The following BBS9 variants were observed in gnomAD, a reference collection of about 807,000 sequenced individuals.
BBS9 encodes the protein protein PTHB1.
A neutral mutation model predicts 117.7 loss-of-function variants in BBS9; 89 were observed. The ratio of observed to expected loss-of-function variants is 0.76; its 90% CI spans 0.64 to 0.90. BBS9 has a LOEUF of 0.90. BBS9 is among the 40% of genes least tolerant of loss of function. The pLI is 0.00. For synonymous variants in BBS9, 379 were observed against 370.9 expected (o/e 1.02, Z -0.25); for missense variants, 982 against 1,042.2 (o/e 0.94, Z 0.80).
chr7:33,329,474 A>T (rs1165114597), intron 9 of BBS9, among the ~76,000 whole-genome samples: 1 of 152,154 alleles, frequency 6.6e-6, no homozygotes, highest in Non-Finnish European at 1.5e-5. Context: ...ATGCAGTATT[A>T]TGTTTTACTT....
At chr7:33,341,410 ATGG>A (rs1816529113) in intron 11 of BBS9, among the ~76,000 whole-genome samples, 1 of 151,916 alleles carries the variant, frequency 6.6e-6, no homozygotes, top group Non-Finnish European at 1.5e-5. Flanking sequence ...TTAATACATT[ATGG>A]TGGTGGTGGT....
Position 33,311,888 on chromosome 7 carries a change from C to T in BBS9, c.1017-24553C>T, listed in dbSNP as rs141017149. On this transcript the variant is annotated intron_variant, in intron 9 of 22. Transcript: ENST00000242067. ...CAATGGCTATTTTTTTTCTGACTGACATTCCTCTGTGCAATAGAATGTTAA... is the reference window on the plus strand; with the variant it reads ...CAATGGCTATTTTTTTTCTGACTGATATTCCTCTGTGCAATAGAATGTTAA... 5.2e-4 allele frequency among the ~76,000 whole-genome samples: 79 copies of T among 151,840 alleles called. 2 individuals carry two copies. The East Asian group carries it at 0.014, about 26-fold the overall frequency.
chr7:33,387,688 G>T (rs1584608622), intron 18 of BBS9, among the ~76,000 whole-genome samples: 1 of 152,182 alleles, frequency 6.6e-6, no homozygotes, highest in South Asian at 2.1e-4. Context: ...TTGCTGTAAA[G>T]AATGAGAAAA....
intron 19 of BBS9, among the ~76,000 whole-genome samples, chr7:33,413,250 T>A (rs996370320): frequency 2.0e-5 from 3 of 152,166 alleles, no homozygotes; most frequent in African/African-American, 7.2e-5. Context: ...TAACTATCAG[T>A]TTTATTTAGG....
At chr7:33,420,050 T>C (rs952736967) in intron 19 of BBS9, among the ~76,000 whole-genome samples, 4 of 152,158 alleles carry the variant, frequency 2.6e-5, no homozygotes, top group Admixed American at 6.5e-5. Flanking sequence ...GCCTCAAATA[T>C]TCAATGACCT....
chr7:33,349,690 C>G (rs1818275916), intron 13 of BBS9, among the ~76,000 whole-genome samples: 1 of 152,168 alleles, frequency 6.6e-6, no homozygotes, highest in Non-Finnish European at 1.5e-5. Flanking sequence ...CTCGGCCTCC[C>G]AGAGTACTAA....
chr7:33,478,750 G>C (rs1375801298), intron 19 of BBS9, among the ~76,000 whole-genome samples: 1 of 151,746 alleles, frequency 6.6e-6, no homozygotes, highest in Non-Finnish European at 1.5e-5. Context: ...TAACTCATTA[G>C]AGCCAGATAT....
chr7:33,429,560 A>G (rs890528225), intron 19 of BBS9, among the ~76,000 whole-genome samples: 3 of 152,218 alleles, frequency 2.0e-5, no homozygotes, highest in Non-Finnish European at 4.4e-5. Context: ...GGAAACAGCT[A>G]GATCTTTACT....
intron 19 of BBS9, among the ~76,000 whole-genome samples, chr7:33,418,046 G>A (rs999762901): frequency 3.3e-5 from 5 of 152,174 alleles, no homozygotes; most frequent in Non-Finnish European, 7.3e-5. Context: ...AGTGCCTTGC[G>A]TACAGCATGC....
At chr7:33,394,501 A>T (rs1412270599) in intron 19 of BBS9, among the ~76,000 whole-genome samples, 1 of 152,152 alleles carries the variant, frequency 6.6e-6, no homozygotes, top group African/African-American at 2.4e-5. Flanking sequence ...AACCCCCATG[A>T]CACAAGTTTA....
chr7:33,346,843 A>G (rs11764582), intron 12 of BBS9, among the ~76,000 whole-genome samples: 27,073 of 152,166 alleles, frequency 0.18, 2,572 homozygotes, highest in South Asian at 0.21. Flanking sequence ...ACTTAAAGGA[A>G]TTTTCATTTT....
chr7:33,147,128 A>G (rs1792529615), intron 2 of BBS9, among the ~76,000 whole-genome samples: 1 of 152,190 alleles, frequency 6.6e-6, no homozygotes, highest in South Asian at 2.1e-4. Flanking sequence ...ATCATATTAT[A>G]ATACTAAAAC....
intron 21 of BBS9, chr7:33,534,493 A>C (rs1851068583): frequency 4.7e-6 from 2 of 421,528 alleles, no homozygotes; most frequent in African/African-American, 4.1e-5. Flanking sequence ...AGTTTTACTA[A>C]ATGTGATCTC....
chr7:33,550,153 C>T (rs2129089083), intron 21 of BBS9, among the ~76,000 whole-genome samples: 1 of 152,220 alleles, frequency 6.6e-6, no homozygotes, highest in East Asian at 1.9e-4. Flanking sequence ...AATAAACATA[C>T]TTCCTGTTTC....
Position 33,388,144 on chromosome 7 carries a change from G to T in BBS9, c.2115G>T (p.Gln705His). Reference sequence around the variant, plus strand: ...CCTTGTTAGATGGAACCTACAAGCAGGTCAGTATAATATCAGTAACAGTTT... The same window carrying T: ...CCTTGTTAGATGGAACCTACAAGCATGTCAGTATAATATCAGTAACAGTTT... ...LDTLLDGTYKQVIALADAVEE... is the reference protein window; with the variant it reads ...LDTLLDGTYKHVIALADAVEE... The change falls in exon 19 of 23, where the codon CAG becomes CAT. Residue 705 changes from glutamine to histidine, a missense_variant and splice_region_variant. Physicochemically the swap from Gln to His is conservative, Grantham distance 24. Coordinates refer to ENST00000242067, the MANE Select transcript of BBS9 (RefSeq NM_198428.3). The T allele has an allele frequency of 6.2e-7, 1 of 1,613,966 alleles. No homozygotes were observed. Among genetic ancestry groups the T allele is most frequent in the South Asian group, 1.1e-5 (1 of 91,070 alleles).
chr7:33,542,888 G>A (rs575627632), intron 21 of BBS9, among the ~76,000 whole-genome samples: 25 of 150,662 alleles, frequency 1.7e-4, no homozygotes, highest in African/African-American at 5.8e-4. Context: ...TGGTTCCATG[G>A]TTTTGCAATT....
intron 14 of BBS9, 122 bp downstream of exon 14, chr7:33,351,445 G>A (rs1818629673): frequency 1.3e-6 from 1 of 764,656 alleles, no homozygotes; most frequent in African/African-American, 1.7e-5. Flanking sequence ...ATTTTCTACT[G>A]TTAAGTAAAA....
chr7:33,304,104 T>C (rs1349046220), intron 9 of BBS9, among the ~76,000 whole-genome samples: 15 of 109,186 alleles, frequency 1.4e-4, no homozygotes, highest in South Asian at 3.3e-4. Context: ...ATGTGAGGAG[T>C]GCCTCTGCCT....
intron 1 of BBS9, 28 bp from the exon 2 acceptor site, chr7:33,146,214 T>C (rs372863184): frequency 9.7e-6 from 14 of 1,442,782 alleles, no homozygotes; most frequent in South Asian, 2.3e-5. Context: ...TAGTGTGAAG[T>C]AGATTATTAT....
Sources: allele counts gnomAD v4.1 joint callset (sites outside exome capture counted in the v4.1 genomes callset), GRCh38; gene constraint gnomAD v4.1.1; transcripts MANE v1.5; gene names NCBI Gene and HGNC (gene_info 2026-07-23, HGNC 2026-07-21).